Variants in CSMD1 observed in about 807,000 individuals in gnomAD.
CSMD1 encodes CUB and sushi domain-containing protein 1.
Under a neutral mutation model 417.5 loss-of-function variants are expected in CSMD1, and 213 were observed. The ratio of observed to expected loss-of-function variants is 0.51; its 90% CI spans 0.46 to 0.57. The LOEUF (loss-of-function observed/expected upper bound fraction) is 0.57. Ranked by LOEUF, CSMD1 falls within the 20% of genes least tolerant of loss-of-function variation. CSMD1 has a pLI of 0.00. For synonymous variants in CSMD1, 2,862 were observed against 1,736.8 expected, an observed-to-expected ratio of 1.65 and a Z score of -16.11; for missense variants, 6,923 against 4,529.7, an observed-to-expected ratio of 1.53 and a Z score of -15.17.
At chr8:4,291,028 T>A (rs903540134) in intron 3 of CSMD1, among the ~76,000 whole-genome samples, 2 of 152,158 alleles carry the variant, frequency 1.3e-5, no homozygotes, top group Non-Finnish European at 2.9e-5. Flanking sequence ...AATAAGATCT[T>A]CTTTGTACCC....
intron 12 of CSMD1, among the ~76,000 whole-genome samples, chr8:3,456,463 A>G (rs1255902608): frequency 6.6e-6 from 1 of 152,146 alleles, no homozygotes; most frequent in East Asian, 1.9e-4. Context: ...CTATTTTCTA[A>G]TACAATTTAG....
At chr8:4,161,211 A>G (rs371605145) in intron 3 of CSMD1, among the ~76,000 whole-genome samples, 1 of 152,240 alleles carries the variant, frequency 6.6e-6, no homozygotes. Flanking sequence ...ATTTAATTCC[A>G]TGAACAACCC....
chr8:4,870,254 C>A (rs1802658442), intron 1 of CSMD1, among the ~76,000 whole-genome samples: 1 of 152,066 alleles, frequency 6.6e-6, no homozygotes, highest in African/African-American at 2.4e-5. Context: ...CTGGAAACAT[C>A]TAGGTTTCCC....
At chr8:4,023,880 G>A (rs1338846338) in intron 4 of CSMD1, among the ~76,000 whole-genome samples, 1 of 148,134 alleles carries the variant, frequency 6.8e-6, no homozygotes, top group Non-Finnish European at 1.5e-5. Context: ...GCCTCCCAAA[G>A]TGCTGGGATT....
intron 54 of CSMD1, among the ~76,000 whole-genome samples, chr8:2,997,726 A>G (rs1162653658): frequency 6.6e-6 from 1 of 152,242 alleles, no homozygotes; most frequent in Non-Finnish European, 1.5e-5. Flanking sequence ...TATACAGGGT[A>G]GAAATAAATG....
intron 12 of CSMD1, among the ~76,000 whole-genome samples, chr8:3,432,001 G>C (rs961647844): frequency 4.2e-4 from 64 of 152,250 alleles, no homozygotes; most frequent in African/African-American, 1.3e-3. Context: ...TCATGTAAGA[G>C]ATCACTGTGT....
rs560031882 is a variant in CSMD1, at chr8:3,179,921, G to A, written c.5725+1189C>T. On this transcript the variant is annotated intron_variant, in intron 37 of 69. Transcript: ENST00000635120. Reference sequence around the variant, plus strand: ...ATAAGCAGGAAAATTTAACCAGAATGTGAAACAGCCCTGTGGTTTGTGCCT... The same window carrying A: ...ATAAGCAGGAAAATTTAACCAGAATATGAAACAGCCCTGTGGTTTGTGCCT... Among the ~76,000 whole-genome samples, 4 of 152,298 alleles carry A rather than the reference G, an allele frequency of 2.6e-5. No individual in the cohort carries two copies. In the South Asian group the frequency reaches 8.3e-4, roughly 32 times the overall value.
At chr8:3,256,100 GACCA>G (rs1485111515) in intron 26 of CSMD1, among the ~76,000 whole-genome samples, 1 of 152,070 alleles carries the variant, frequency 6.6e-6, no homozygotes. Context: ...GGCTGAGGCA[GACCA>G]ATCACCTGAG....
chr8:4,385,581 G>C (rs535004759), intron 3 of CSMD1, among the ~76,000 whole-genome samples: 2 of 152,084 alleles, frequency 1.3e-5, no homozygotes, highest in African/African-American at 4.8e-5. Context: ...TGTTTTTAAG[G>C]AGTAAGAATG....
At chr8:4,236,945 A>G (rs1336702413) in intron 3 of CSMD1, among the ~76,000 whole-genome samples, 8 of 152,216 alleles carry the variant, frequency 5.3e-5, no homozygotes, top group Non-Finnish European at 2.9e-5. Flanking sequence ...GTTCAAGTTC[A>G]GTTTCCTCAG....
At chr8:4,786,971 G>C (rs1797432099) in intron 1 of CSMD1, among the ~76,000 whole-genome samples, 1 of 152,090 alleles carries the variant, frequency 6.6e-6, no homozygotes, top group South Asian at 2.1e-4. Context: ...AATATTGTTG[G>C]TATACTAACT....
intron 10 of CSMD1, among the ~76,000 whole-genome samples, chr8:3,558,602 GT>G (rs1357386205): frequency 8.9e-4 from 99 of 111,672 alleles, no homozygotes; most frequent in Admixed American, 7.3e-3. Flanking sequence ...ATAGTACCCC[GT>G]GTCCACTCCT....
intron 4 of CSMD1, among the ~76,000 whole-genome samples, chr8:3,999,644 A>G (rs1307527131): frequency 6.6e-6 from 1 of 152,040 alleles, no homozygotes; most frequent in Non-Finnish European, 1.5e-5. Flanking sequence ...TGCATTTCCC[A>G]TCCTTCCTAC....
chr8:3,460,498 CTG>C (rs1386323258), intron 12 of CSMD1, among the ~76,000 whole-genome samples: 6 of 152,012 alleles, frequency 3.9e-5, no homozygotes, highest in Admixed American at 6.6e-5. Context: ...GACTGGACCC[CTG>C]TGTGTGAGCA....
At chr8:4,759,994 T>A (rs1644153374) in intron 1 of CSMD1, among the ~76,000 whole-genome samples, 1 of 152,204 alleles carries the variant, frequency 6.6e-6, no homozygotes, top group African/African-American at 2.4e-5. Context: ...CCACAGTGTC[T>A]TCCACAATGG....
At chr8:4,566,895 C>CAATGAGAAAAACTCAGTTTAGG (rs11267326) in intron 2 of CSMD1, among the ~76,000 whole-genome samples, 2 of 151,306 alleles carry the variant, frequency 1.3e-5, no homozygotes, top group Non-Finnish European at 2.9e-5. Context: ...TGTTTTCCAG[C>CAATGAGAAAAACTCAGTTTAGG]AATGAGAAAA....
intron 6 of CSMD1, among the ~76,000 whole-genome samples, chr8:3,742,408 CAGAA>C (rs1796852965): frequency 6.6e-6 from 1 of 152,188 alleles, no homozygotes; most frequent in African/African-American, 2.4e-5. Flanking sequence ...TAAACTCCTG[CAGAA>C]AGAGTCAGTA....
chr8:3,831,915 A>G (rs560320490), intron 5 of CSMD1, among the ~76,000 whole-genome samples: 79 of 152,308 alleles, frequency 5.2e-4, no homozygotes, highest in African/African-American at 1.1e-3. Flanking sequence ...CAAGACTTTT[A>G]AAATACCCCC....
intron 3 of CSMD1, among the ~76,000 whole-genome samples, chr8:4,059,499 C>G (rs1247280985): frequency 2.0e-5 from 3 of 152,028 alleles, no homozygotes; most frequent in Non-Finnish European, 2.9e-5. Flanking sequence ...TTAATGAATC[C>G]AGGAGCTGGT....
Sources: gnomAD v4.1 joint callset for allele counts (sites outside exome capture counted in the v4.1 genomes callset) on GRCh38, gnomAD v4.1.1 for gene constraint, MANE v1.5 for transcripts, NCBI Gene and HGNC (gene_info 2026-07-23, HGNC 2026-07-21) for gene names.